The following FBXL17 variants were observed in gnomAD, a reference collection of about 807,000 sequenced individuals.
FBXL17 encodes F-box and leucine rich repeat protein 17.
Under a neutral mutation model 66.2 loss-of-function variants are expected in FBXL17, and 22 were observed. The observed-to-expected ratio is 0.33, with a 90% confidence interval of 0.24 to 0.47. FBXL17 has a LOEUF of 0.47. Ranked by LOEUF, FBXL17 falls within the 20% of genes least tolerant of loss-of-function variation. FBXL17 has a pLI of 1.00. For missense variants in FBXL17, 878 were observed against 948.2 expected (o/e 0.93, Z 0.97); for synonymous variants, 474 against 400.5 (o/e 1.18, Z -2.19).
intron 4 of FBXL17, among the ~76,000 whole-genome samples, chr5:108,347,662 C>T (rs1747370582): frequency 6.6e-6 from 1 of 151,968 alleles, no homozygotes; most frequent in Non-Finnish European, 1.5e-5. Flanking sequence ...TTAGCAGTTG[C>T]CAGGGACTAG....
intron 7 of FBXL17, among the ~76,000 whole-genome samples, chr5:107,889,052 C>T (rs1749103433): frequency 6.6e-6 from 1 of 151,978 alleles, no homozygotes; most frequent in Non-Finnish European, 1.5e-5. Flanking sequence ...GTAGTAGTAC[C>T]TTCTCGTGGG....
intron 4 of FBXL17, among the ~76,000 whole-genome samples, chr5:108,294,214 C>G (rs546026312): frequency 1.4e-5 from 2 of 144,708 alleles, no homozygotes; most frequent in East Asian, 4.0e-4. Context: ...AAAAGATACA[C>G]TATATATATG....
At chr5:108,379,118 ATTCT>A in intron 1 of FBXL17, among the ~76,000 whole-genome samples, 1 of 152,200 alleles carries the variant, frequency 6.6e-6, no homozygotes, top group Non-Finnish European at 1.5e-5. Context: ...AGTTTATTTT[ATTCT>A]ATTAGAGTTT....
intron 6 of FBXL17, among the ~76,000 whole-genome samples, chr5:108,120,453 G>T (rs1480226250): frequency 6.6e-6 from 1 of 152,176 alleles, no homozygotes; most frequent in African/African-American, 2.4e-5. Context: ...GTACTTGGAT[G>T]CTATCAACAA....
chr5:107,913,931 C>A (rs1248600183), intron 7 of FBXL17, among the ~76,000 whole-genome samples: 1 of 149,212 alleles, frequency 6.7e-6, no homozygotes, highest in Non-Finnish European at 1.5e-5. Flanking sequence ...TGTAGACAGG[C>A]AGGAAAAATA....
intron 5 of FBXL17, among the ~76,000 whole-genome samples, chr5:108,206,657 C>A (rs1190339463): frequency 6.6e-6 from 1 of 152,042 alleles, no homozygotes; most frequent in African/African-American, 2.4e-5. Context: ...TTATACTCAG[C>A]AAAATTATTT....
At chr5:108,166,025 A>G (rs959472611) in intron 6 of FBXL17, among the ~76,000 whole-genome samples, 35 of 152,188 alleles carry the variant, frequency 2.3e-4, no homozygotes, top group Non-Finnish European at 4.0e-4. Context: ...TATCCCACCA[A>G]AAACTCATTT....
intron 4 of FBXL17, among the ~76,000 whole-genome samples, chr5:108,249,425 C>G (rs1442855543): frequency 7.9e-5 from 12 of 152,148 alleles, no homozygotes; most frequent in Admixed American, 7.2e-4. Flanking sequence ...TCTGGTCAAA[C>G]AAATATACTG....
intron 6 of FBXL17, among the ~76,000 whole-genome samples, chr5:108,123,324 A>G (rs1477437776): frequency 6.6e-6 from 1 of 152,028 alleles, no homozygotes; most frequent in Admixed American, 6.6e-5. Flanking sequence ...TTTGCCCCCA[A>G]CACAGGCAAA....
intron 7 of FBXL17, among the ~76,000 whole-genome samples, chr5:107,893,479 T>C (rs1161270251): frequency 1.3e-5 from 2 of 152,170 alleles, no homozygotes; most frequent in African/African-American, 4.8e-5. Flanking sequence ...CACATGGTAA[T>C]ATGTTTTGAA....
At chr5:108,236,618 CA>C (rs1457610551) in intron 4 of FBXL17, among the ~76,000 whole-genome samples, 1 of 151,960 alleles carries the variant, frequency 6.6e-6, no homozygotes, top group Admixed American at 6.6e-5. Flanking sequence ...GAAGAATTAC[CA>C]GGGGTGAACA....
At chr5:108,203,315 G>A (rs1753977781) in intron 5 of FBXL17, among the ~76,000 whole-genome samples, 1 of 152,014 alleles carries the variant, frequency 6.6e-6, no homozygotes, top group Non-Finnish European at 1.5e-5. Flanking sequence ...GAGAGATTAG[G>A]TGATTTGTCC....
At chr5:108,177,022 T>C (rs940402398) in intron 6 of FBXL17, among the ~76,000 whole-genome samples, 7 of 152,212 alleles carry the variant, frequency 4.6e-5, no homozygotes, top group Non-Finnish European at 7.4e-5. Context: ...TTCTTTTTAA[T>C]TGAAAGACAA....
rs148429567 is a variant in FBXL17, at chr5:108,187,682, C to A, written c.1615-1435G>T. Reference sequence around the variant, plus strand: ...GGAAGAGATAAGGACCTCAGACTTACAACCTTAAGGAATTTAATTCTGCCA... The same window carrying A: ...GGAAGAGATAAGGACCTCAGACTTAAAACCTTAAGGAATTTAATTCTGCCA... On this transcript the variant is annotated intron_variant, in intron 5 of 8. Transcript: ENST00000542267. Among the ~76,000 whole-genome samples the A allele has an allele frequency of 6.5e-3, 990 of 152,256 alleles. 10 individuals carry two copies. Among genetic ancestry groups the A allele is most frequent in the African/African-American group, 0.023 (947 of 41,516 alleles).
chr5:107,886,915 C>CAAAA (rs33943440), intron 7 of FBXL17, among the ~76,000 whole-genome samples: 2,684 of 129,592 alleles, frequency 0.021, 103 homozygotes, highest in African/African-American at 0.069. Flanking sequence ...TAATGAAATA[C>CAAAA]AAAAAAAAAA....
At chr5:108,375,157 C>G (rs1749332569) in intron 1 of FBXL17, among the ~76,000 whole-genome samples, 1 of 152,062 alleles carries the variant, frequency 6.6e-6, no homozygotes, top group Non-Finnish European at 1.5e-5. Context: ...AGTTTGAGAC[C>G]AGCCTGGAAA....
intron 5 of FBXL17, among the ~76,000 whole-genome samples, chr5:108,190,872 C>A (rs905417494): frequency 2.0e-5 from 3 of 152,150 alleles, no homozygotes; most frequent in Non-Finnish European, 4.4e-5. Flanking sequence ...GTTTTTATCA[C>A]TGTTGGAAAT....
intron 7 of FBXL17, among the ~76,000 whole-genome samples, chr5:107,975,771 T>C (rs572131265): frequency 6.6e-6 from 1 of 152,000 alleles, no homozygotes; most frequent in Admixed American, 6.6e-5. Flanking sequence ...AAAAAAAGGA[T>C]GCATGGAATC....
intron 6 of FBXL17, among the ~76,000 whole-genome samples, chr5:108,139,790 C>T (rs573993520): frequency 3.5e-4 from 53 of 152,126 alleles, no homozygotes; most frequent in Non-Finnish European, 6.5e-4. Flanking sequence ...ATCTACTCCC[C>T]GCCTCCTTCA....
Sources: gnomAD v4.1 joint callset for allele counts (sites outside exome capture counted in the v4.1 genomes callset) on GRCh38, gnomAD v4.1.1 for gene constraint, MANE v1.5 for transcripts, NCBI Gene and HGNC (gene_info 2026-07-23, HGNC 2026-07-21) for gene names.